CCDC30: variants seen among roughly 807,000 people sequenced by gnomAD.
The protein encoded by CCDC30 is coiled-coil domain-containing protein 30.
In CCDC30, 70 loss-of-function variants were observed where a neutral mutation model predicts 100.2. That is an observed-to-expected ratio of 0.70 (90% confidence interval 0.58 to 0.85). The LOEUF (loss-of-function observed/expected upper bound fraction) is 0.85, where lower values mean the gene tolerates loss of function less well. CCDC30 is among the 40% of genes least tolerant of loss of function. The pLI is 0.00. For missense variants in CCDC30, 652 were observed against 771.2 expected (o/e 0.85, Z 1.83); for synonymous variants, 233 against 269.5 (o/e 0.86, Z 1.33).
At chr1:42,533,344 G>C (rs989266338) in intron 6 of CCDC30, among the ~76,000 whole-genome samples, 15 of 152,152 alleles carry the variant, frequency 9.9e-5, no homozygotes, top group African/African-American at 3.4e-4. Flanking sequence ...GAAGAAGAAA[G>C]AGAGGTGGAG....
upstream of CCDC30, chr1:42,459,983 C>T: frequency 2.6e-6 from 4 of 1,513,442 alleles, no homozygotes; most frequent in South Asian, 4.0e-5. Flanking sequence ...ATGGTGAAAA[C>T]TACAAAAAAA....
chr1:42,546,416 A>G (rs1323784361), intron 6 of CCDC30, among the ~76,000 whole-genome samples: 26 of 3,940 alleles, frequency 6.6e-3, no homozygotes, highest in African/African-American at 0.022. Context: ...ATATATATAT[A>G]TATATATATA....
intron 11 of CCDC30, among the ~76,000 whole-genome samples, chr1:42,623,569 CTCTAT>C (rs1646879476): frequency 6.6e-6 from 1 of 152,086 alleles, no homozygotes; most frequent in African/African-American, 2.4e-5. Flanking sequence ...TTTCTGGGTT[CTCTAT>C]TCTGTTCTAT....
chr1:42,581,288 T>C, intron 8 of CCDC30, 72 bp from the exon 13 acceptor site: 12 of 1,163,466 alleles, frequency 1.0e-5, no homozygotes, highest in Non-Finnish European at 1.5e-5. Flanking sequence ...GCTATTTATA[T>C]GTTATTCCCC....
chr1:42,575,544 G>T (rs1218732530), intron 7 of CCDC30, among the ~76,000 whole-genome samples: 1 of 150,356 alleles, frequency 6.7e-6, no homozygotes, highest in Admixed American at 6.7e-5. Context: ...CAGCTACTCA[G>T]GAGGCTGAGG....
chr1:42,514,812 C>A (rs1270684755), intron 6 of CCDC30, among the ~76,000 whole-genome samples: 1 of 152,098 alleles, frequency 6.6e-6, no homozygotes, highest in Non-Finnish European at 1.5e-5. Context: ...TGCCATCATA[C>A]CCAGCTAATT....
intron 6 of CCDC30, among the ~76,000 whole-genome samples, chr1:42,548,596 A>G (rs1645189908): frequency 6.6e-6 from 1 of 152,200 alleles, no homozygotes; most frequent in Non-Finnish European, 1.5e-5. Context: ...CTGGAATGCA[A>G]TATTTAATTT....
intron 4 of CCDC30, among the ~76,000 whole-genome samples, chr1:42,493,827 G>A (rs186374280): frequency 2.8e-4 from 42 of 152,266 alleles, no homozygotes; most frequent in African/African-American, 8.4e-4. Context: ...CCTGGATGAC[G>A]TGGACACATT....
At chr1:42,618,693 A>G (rs919394746) in intron 11 of CCDC30, among the ~76,000 whole-genome samples, 1 of 152,208 alleles carries the variant, frequency 6.6e-6, no homozygotes, top group African/African-American at 2.4e-5. Flanking sequence ...ACATGCCTAT[A>G]TTATGTAGTG....
chr1:42,527,209 T>G (rs1368870117), intron 6 of CCDC30, among the ~76,000 whole-genome samples: 1 of 152,224 alleles, frequency 6.6e-6, no homozygotes, highest in African/African-American at 2.4e-5. Context: ...ACTACAGAGC[T>G]GATAACTTTA....
intron 6 of CCDC30, among the ~76,000 whole-genome samples, chr1:42,507,234 T>C (rs1644408422): frequency 6.6e-6 from 1 of 152,178 alleles, no homozygotes; most frequent in Non-Finnish European, 1.5e-5. Flanking sequence ...GCCTCAATTT[T>C]TTAATGAAAC....
chr1:42,651,208 A>G (rs1648317830), intron 15 of CCDC30, among the ~76,000 whole-genome samples: 1 of 152,218 alleles, frequency 6.6e-6, no homozygotes, highest in South Asian at 2.1e-4. Flanking sequence ...CTCAGGGAAC[A>G]AAAACAAACA....
At chr1:42,474,201 A>G (rs1006688114) in intron 1 of CCDC30, among the ~76,000 whole-genome samples, 34 of 152,354 alleles carry the variant, frequency 2.2e-4, no homozygotes, top group African/African-American at 6.5e-4. Flanking sequence ...GTATAGCATC[A>G]TAGAGTGTGA....
intron 11 of CCDC30, among the ~76,000 whole-genome samples, chr1:42,613,448 G>A (rs532290968): frequency 5.3e-5 from 8 of 152,026 alleles, no homozygotes; most frequent in East Asian, 1.9e-4. Flanking sequence ...TAGTAGAGAC[G>A]GGGTTTCACC....
At chr1:42,628,480 G>C (rs1324764027) in intron 11 of CCDC30, among the ~76,000 whole-genome samples, 1 of 152,032 alleles carries the variant, frequency 6.6e-6, no homozygotes, top group Non-Finnish European at 1.5e-5. Flanking sequence ...GAGGGGCCGG[G>C]GCAGAATGAT....
At chr1:42,500,430 T>TC in intron 6 of CCDC30, 1 of 838,152 alleles carries the variant, frequency 1.2e-6, no homozygotes, top group East Asian at 2.6e-5. Context: ...TTTTTTTTTT[T>TC]TGAGACAGAG....
chr1:42,505,173 T>G (rs1190567616), intron 6 of CCDC30, among the ~76,000 whole-genome samples: 1 of 152,092 alleles, frequency 6.6e-6, no homozygotes, highest in Admixed American at 6.6e-5. Context: ...GAATTTCCCT[T>G]TTGGAAGGTC....
At chr1:42,646,905 C>G (rs1174451047) in intron 15 of CCDC30, among the ~76,000 whole-genome samples, 1 of 152,074 alleles carries the variant, frequency 6.6e-6, no homozygotes, top group Admixed American at 6.6e-5. Flanking sequence ...CGAGACCAGC[C>G]TGGCCAACAT....
intron 6 of CCDC30, chr1:42,537,285 C>T (rs1350292942): frequency 2.2e-6 from 1 of 455,936 alleles, no homozygotes. Context: ...GAAAAGAGAC[C>T]TGGAAGTGAG....
Sources: allele counts gnomAD v4.1 joint callset (sites outside exome capture counted in the v4.1 genomes callset), GRCh38; gene constraint gnomAD v4.1.1; transcripts MANE v1.5; gene names NCBI Gene and HGNC (gene_info 2026-07-23, HGNC 2026-07-21).